The following MTUS2 variants were observed in gnomAD, a reference collection of about 807,000 sequenced individuals.
MTUS2 encodes microtubule associated scaffold protein 2, also known as microtubule-associated tumor suppressor candidate 2.
MTUS2 carries 40 observed loss-of-function variants against 114.1 expected under a neutral mutation model. The ratio of observed to expected loss-of-function variants is 0.35; its 90% CI spans 0.27 to 0.46. MTUS2 has a LOEUF of 0.46. Among genes scored for constraint, MTUS2 ranks in the 20% least tolerant of loss-of-function variants. The probability of loss-of-function intolerance (pLI) is 1.00; values close to 1 mark genes in which losing one functional copy is unlikely to be tolerated. For synonymous variants in MTUS2, 688 were observed against 672.0 expected (o/e 1.02, Z -0.37); for missense variants, 1,679 against 1,705.4 (o/e 0.98, Z 0.27).
chr13:29,353,784 G>A (rs1303521580), intron 7 of MTUS2, among the ~76,000 whole-genome samples: 3 of 152,106 alleles, frequency 2.0e-5, no homozygotes, highest in African/African-American at 4.8e-5. Context: ...CATGAATTAC[G>A]AGGTGTTCCA....
chr13:29,290,980 C>A lies in MTUS2; in HGVS notation c.2806+9115C>A, dbSNP rs74041787. 7.5e-3 allele frequency among the ~76,000 whole-genome samples: 1,147 copies of A among 152,298 alleles called. 15 individuals are homozygous for A. Among genetic ancestry groups the A allele is most frequent in the African/African-American group, 0.026 (1,096 of 41,564 alleles). ...GCCACAATGAGTGCTCAGAAAGTAC[C>A]TGTGTCTTGTTGCAGATGGTCACAT... On this transcript the variant is annotated intron_variant, in intron 6 of 15. Coordinates refer to ENST00000612955, the MANE Select transcript of MTUS2 (RefSeq NM_001033602.4).
intron 1 of MTUS2, among the ~76,000 whole-genome samples, chr13:28,824,646 C>T (rs9551544): frequency 6.6e-6 from 1 of 151,960 alleles, no homozygotes; most frequent in South Asian, 2.1e-4. Context: ...TCTGTCTTTA[C>T]TGCCTTTAAC....
chr13:29,019,327 G>T (rs564704343), intron 2 of MTUS2, among the ~76,000 whole-genome samples: 11 of 152,256 alleles, frequency 7.2e-5, no homozygotes, highest in African/African-American at 2.6e-4. Flanking sequence ...TTTGTCCCCT[G>T]CTGTGTTCTG....
intron 8 of MTUS2, among the ~76,000 whole-genome samples, chr13:29,383,252 G>GTATT (rs1555271592): frequency 0.05 from 6,740 of 135,832 alleles, 245 homozygotes; most frequent in East Asian, 0.056. Context: ...GTGTGTGTGT[G>GTATT]TATTTATTTT....
At chr13:29,349,199 G>T (rs1006762693) in intron 7 of MTUS2, among the ~76,000 whole-genome samples, 1 of 150,902 alleles carries the variant, frequency 6.6e-6, no homozygotes, top group East Asian at 1.9e-4. Flanking sequence ...TTATTTTTGT[G>T]TTCTCAGTGG....
chr13:28,955,753 A>C (rs1179121785), intron 2 of MTUS2, among the ~76,000 whole-genome samples: 1 of 151,914 alleles, frequency 6.6e-6, no homozygotes, highest in Non-Finnish European at 1.5e-5. Flanking sequence ...ATAGAATTCC[A>C]GCACCCACTT....
rs553516266 is a variant in MTUS2, at chr13:29,343,252, C to A, written c.2906-16010C>A. Reference sequence around the variant, plus strand: ...TTGGTACCAGTTCTTCTTTGAACGTCTCATAGAATTCAACTGGGAACTCAT... The same window carrying A: ...TTGGTACCAGTTCTTCTTTGAACGTATCATAGAATTCAACTGGGAACTCAT... On this transcript the variant is annotated intron_variant, in intron 7 of 15. Transcript: ENST00000612955. 2.6e-5 allele frequency among the ~76,000 whole-genome samples: 4 copies of A among 152,104 alleles called. No homozygotes were observed. In the South Asian group the frequency reaches 8.3e-4, roughly 32 times the overall value.
intron 4 of MTUS2, among the ~76,000 whole-genome samples, chr13:29,078,955 C>T (rs965576997): frequency 6.6e-6 from 1 of 152,168 alleles, no homozygotes; most frequent in African/African-American, 2.4e-5. Flanking sequence ...ATTGCTTGGT[C>T]ACATTGCACC....
chr13:29,478,940 G>A (rs1268175797), intron 9 of MTUS2, among the ~76,000 whole-genome samples: 1 of 152,206 alleles, frequency 6.6e-6, no homozygotes, highest in Non-Finnish European at 1.5e-5. Context: ...TTCACCAGAA[G>A]AAGAAAACGT....
chr13:28,914,588 G>A (rs1047751401), intron 2 of MTUS2, among the ~76,000 whole-genome samples: 5 of 152,044 alleles, frequency 3.3e-5, no homozygotes, highest in Admixed American at 6.6e-5. Flanking sequence ...GAGTTTTGTA[G>A]ATATTTATCA....
At chr13:29,478,183 G>A (rs761095750) in intron 9 of MTUS2, among the ~76,000 whole-genome samples, 8 of 152,216 alleles carry the variant, frequency 5.3e-5, no homozygotes, top group Non-Finnish European at 1.2e-4. Flanking sequence ...CTCCTTTGGT[G>A]CAACTTGTGA....
chr13:29,095,256 C>T (rs970550597), intron 4 of MTUS2, among the ~76,000 whole-genome samples: 31 of 152,044 alleles, frequency 2.0e-4, no homozygotes, highest in African/African-American at 4.8e-4. Context: ...ATTGAAGTCT[C>T]GAACTATTAT....
chr13:29,209,623 C>T, intron 5 of MTUS2, among the ~76,000 whole-genome samples: 1 of 151,926 alleles, frequency 6.6e-6, no homozygotes, highest in East Asian at 1.9e-4. Flanking sequence ...GTAGTGCTGG[C>T]TTGGTAGTGA....
chr13:29,145,754 C>T lies in MTUS2; in HGVS notation c.2644+44784C>T, dbSNP rs559598434. On this transcript the variant is annotated intron_variant, in intron 5 of 15. Coordinates refer to ENST00000612955, the MANE Select transcript of MTUS2 (RefSeq NM_001033602.4). ...ATTATCATATGTTTTCAAAGCATTC[C>T]ACTTCTTCATAGAAATATTTCTCTT... Among the ~76,000 whole-genome samples, 4 of 152,222 alleles carry T rather than the reference C, an allele frequency of 2.6e-5. No individual in the cohort carries two copies. In the South Asian group the frequency reaches 8.3e-4, roughly 32 times the overall value.
intron 4 of MTUS2, among the ~76,000 whole-genome samples, chr13:29,089,399 A>T (rs1294370208): frequency 6.6e-6 from 1 of 152,122 alleles, no homozygotes; most frequent in African/African-American, 2.4e-5. Context: ...TTTCTTTCAT[A>T]TTGACCTTGG....
At chr13:29,499,230 C>A (rs534625570) in intron 14 of MTUS2, among the ~76,000 whole-genome samples, 1 of 152,268 alleles carries the variant, frequency 6.6e-6, no homozygotes, top group Admixed American at 6.5e-5. Context: ...CAGCCTGGCT[C>A]CTGCAGAGCT....
chr13:28,962,138 C>A (rs1488179959), intron 2 of MTUS2, among the ~76,000 whole-genome samples: 2 of 151,254 alleles, frequency 1.3e-5, no homozygotes, highest in Non-Finnish European at 2.9e-5. Flanking sequence ...ATACATTTTT[C>A]AGATATTTTT....
At chr13:29,143,153 G>T (rs1179287887) in intron 5 of MTUS2, among the ~76,000 whole-genome samples, 2 of 152,166 alleles carry the variant, frequency 1.3e-5, no homozygotes, top group African/African-American at 4.8e-5. Context: ...TCCTGTGCTG[G>T]ATAAACAGGG....
At chr13:29,379,601 T>C (rs1872046402) in intron 8 of MTUS2, among the ~76,000 whole-genome samples, 1 of 151,790 alleles carries the variant, frequency 6.6e-6, no homozygotes, top group African/African-American at 2.4e-5. Flanking sequence ...AGGAGTGGGG[T>C]GGAAAGAGTC....
Sources: gnomAD v4.1 joint callset for allele counts (sites outside exome capture counted in the v4.1 genomes callset) on GRCh38, gnomAD v4.1.1 for gene constraint, MANE v1.5 for transcripts, NCBI Gene and HGNC (gene_info 2026-07-23, HGNC 2026-07-21) for gene names.